The following ABCC4 variants were observed in gnomAD, a reference collection of about 807,000 sequenced individuals.
ABCC4 encodes ATP binding cassette subfamily C member 4 (PEL blood group), also known as ATP-binding cassette sub-family C member 4.
ABCC4 carries 102 observed loss-of-function variants against 168.5 expected under a neutral mutation model. That is an observed-to-expected ratio of 0.61 (90% CI 0.52 to 0.71). The LOEUF (loss-of-function observed/expected upper bound fraction) is 0.71. Among genes scored for constraint, ABCC4 ranks in the 30% least tolerant of loss-of-function variants. The pLI is 0.00. For missense variants in ABCC4, 1,402 were observed against 1,605.8 expected, an observed-to-expected ratio of 0.87 and a Z score of 2.17; for synonymous variants, 617 against 590.7, an observed-to-expected ratio of 1.04 and a Z score of -0.65.
intron 20 of ABCC4, among the ~76,000 whole-genome samples, chr13:95,105,862 T>C (rs2034984781): frequency 6.6e-6 from 1 of 152,156 alleles, no homozygotes; most frequent in Non-Finnish European, 1.5e-5. Flanking sequence ...CAAAGACCTT[T>C]TTCAGGTGAC....
At chr13:95,157,829 T>C (rs576909852) in intron 19 of ABCC4, among the ~76,000 whole-genome samples, 7 of 152,094 alleles carry the variant, frequency 4.6e-5, no homozygotes, top group African/African-American at 9.6e-5. Context: ...CCCACCACTT[T>C]GGGAGGTGGA....
At chr13:95,213,387 G>C (rs1360258049) in intron 4 of ABCC4, among the ~76,000 whole-genome samples, 3 of 152,262 alleles carry the variant, frequency 2.0e-5, no homozygotes, top group Non-Finnish European at 4.4e-5. Flanking sequence ...CTGAGCGGTG[G>C]AGGAAGAGAT....
intron 1 of ABCC4, among the ~76,000 whole-genome samples, chr13:95,284,616 T>C (rs1444796420): frequency 6.6e-6 from 1 of 152,198 alleles, no homozygotes; most frequent in African/African-American, 2.4e-5. Context: ...CAGACACCCC[T>C]GTCCCCTGTG....
In ABCC4 at chr13:95,139,303, C is replaced by T. The variant is rs533383033; in HGVS notation, c.2455+21886G>A. 2.6e-5 allele frequency among the ~76,000 whole-genome samples: 4 copies of T among 152,242 alleles called. No individual in the cohort carries two copies. In the South Asian group the frequency reaches 6.2e-4, roughly 24 times the overall value. On this transcript the variant is annotated intron_variant, in intron 19 of 30. Transcript: ENST00000645237. The stretch of plus-strand genomic sequence containing the variant: ...AGTGTTGTGGCTGGGCAGGATTGGC[C>T]GCCCAAAGGAGGGATGAAGGAGGTC...
chr13:95,271,427 G>A (rs547065415), intron 1 of ABCC4, among the ~76,000 whole-genome samples: 10 of 152,254 alleles, frequency 6.6e-5, no homozygotes, highest in East Asian at 5.8e-4. Flanking sequence ...CCTTTGGTTC[G>A]CAGAGGTCCC....
At chr13:95,216,216 G>C (rs1400944759) in intron 4 of ABCC4, among the ~76,000 whole-genome samples, 1 of 152,122 alleles carries the variant, frequency 6.6e-6, no homozygotes, top group Non-Finnish European at 1.5e-5. Flanking sequence ...ATGAAGCAAA[G>C]TTACCAGTGT....
chr13:95,258,253 T>C (rs1439561259), intron 1 of ABCC4, among the ~76,000 whole-genome samples: 3 of 152,108 alleles, frequency 2.0e-5, no homozygotes, highest in East Asian at 3.9e-4. Flanking sequence ...TCTCCTGCAG[T>C]AGAAAAACAA....
At chr13:95,154,561 T>C (rs1274006216) in intron 19 of ABCC4, among the ~76,000 whole-genome samples, 1 of 152,218 alleles carries the variant, frequency 6.6e-6, no homozygotes, top group Non-Finnish European at 1.5e-5. Context: ...TACTGAATAT[T>C]TATACTGGTG....
intron 27 of ABCC4, among the ~76,000 whole-genome samples, chr13:95,051,900 C>T (rs1309222922): frequency 2.6e-5 from 4 of 152,166 alleles, no homozygotes; most frequent in Admixed American, 6.5e-5. Flanking sequence ...CTCCTGACCT[C>T]GTGATCCATC....
At chr13:95,055,325 C>G (rs1184791218) in intron 26 of ABCC4, among the ~76,000 whole-genome samples, 1 of 152,218 alleles carries the variant, frequency 6.6e-6, no homozygotes, top group Non-Finnish European at 1.5e-5. Context: ...TTATGGTAAA[C>G]ATACAATCTT....
chr13:95,286,755 G>T (rs1053809150), intron 1 of ABCC4, among the ~76,000 whole-genome samples: 1 of 151,754 alleles, frequency 6.6e-6, no homozygotes, highest in Non-Finnish European at 1.5e-5. Context: ...TCAGGAGTTC[G>T]AGACCAGCCT....
intron 21 of ABCC4, among the ~76,000 whole-genome samples, chr13:95,081,063 T>C (rs558073380): frequency 2.7e-5 from 4 of 147,112 alleles, no homozygotes; most frequent in Non-Finnish European, 6.2e-5. Context: ...TGGTTGGTGA[T>C]CTGAGCGCAT....
At chr13:95,114,160 G>C (rs1417599357) in intron 20 of ABCC4, among the ~76,000 whole-genome samples, 2 of 152,204 alleles carry the variant, frequency 1.3e-5, no homozygotes, top group African/African-American at 4.8e-5. Context: ...AAGATTATGT[G>C]AGTGGATAAT....
At chr13:95,284,093 C>T (rs2041198312) in intron 1 of ABCC4, among the ~76,000 whole-genome samples, 1 of 152,096 alleles carries the variant, frequency 6.6e-6, no homozygotes, top group Admixed American at 6.6e-5. Flanking sequence ...CCTGTAATCC[C>T]AGCTACTGGG....
chr13:95,056,363 T>C (rs1039567721), intron 26 of ABCC4, among the ~76,000 whole-genome samples: 21 of 152,172 alleles, frequency 1.4e-4, no homozygotes, highest in African/African-American at 4.8e-4. Flanking sequence ...TTGGTTTCCC[T>C]TCTTTTTTAA....
intron 3 of ABCC4, among the ~76,000 whole-genome samples, chr13:95,244,670 A>AAATAAATC (rs1555336345): frequency 9.4e-6 from 1 of 106,358 alleles, no homozygotes; most frequent in Non-Finnish European, 2.1e-5. Flanking sequence ...AGAAAGAAAG[A>AAATAAATC]AATCATAGCA....
chr13:95,108,653 T>TA (rs1321138798), intron 20 of ABCC4, among the ~76,000 whole-genome samples: 1 of 151,130 alleles, frequency 6.6e-6, no homozygotes, highest in Non-Finnish European at 1.5e-5. Context: ...TTTTTTTTTT[T>TA]TTATTTTATT....
intron 1 of ABCC4, among the ~76,000 whole-genome samples, chr13:95,282,447 A>G (rs2041148867): frequency 6.6e-6 from 1 of 152,236 alleles, no homozygotes; most frequent in South Asian, 2.1e-4. Flanking sequence ...AATGAAACAG[A>G]ATCGAAAATA....
At chr13:95,246,873 C>T in intron 3 of ABCC4, 102 bp downstream of exon 3, 2 of 1,379,024 alleles carry the variant, frequency 1.5e-6, no homozygotes, top group Non-Finnish European at 2.0e-6. Flanking sequence ...CATCTGGCCA[C>T]TTCTCCCTTC....
Sources: allele counts gnomAD v4.1 joint callset (sites outside exome capture counted in the v4.1 genomes callset), GRCh38; gene constraint gnomAD v4.1.1; transcripts MANE v1.5; gene names NCBI Gene and HGNC (gene_info 2026-07-23, HGNC 2026-07-21).